Variants in KDM4D observed in about 807,000 individuals in gnomAD.
KDM4D encodes the protein lysine demethylase 4D, also known as lysine-specific demethylase 4D.
For missense variants in KDM4D, 427 were observed against 674.8 expected, an observed-to-expected ratio of 0.63 and a Z score of 4.07; for synonymous variants, 254 against 249.1, an observed-to-expected ratio of 1.02 and a Z score of -0.19.
chr11:94,974,390 A>C (rs924148193), intron 1 of KDM4D, among the ~76,000 whole-genome samples: 1 of 152,232 alleles, frequency 6.6e-6, no homozygotes, highest in African/African-American at 2.4e-5. Context: ...GTATCTCATC[A>C]CATAGACCTT....
At chr11:94,992,335 T>TA (rs1857941856) in intron 2 of KDM4D, among the ~76,000 whole-genome samples, 1 of 151,962 alleles carries the variant, frequency 6.6e-6, no homozygotes, top group South Asian at 2.1e-4. Context: ...AATTAATATG[T>TA]AAAATGTTTA....
In KDM4D at chr11:94,993,836, T is replaced by C. The variant is rs190256171; in HGVS notation, c.-349-3188T>C. Among the ~76,000 whole-genome samples, 30 of 152,242 alleles carry C rather than the reference T, an allele frequency of 2.0e-4. No homozygotes were observed. The East Asian group carries it at 4.8e-3, about 24-fold the overall frequency. ...ATCCTTCTAAATTGTCTCACTTTTC[T>C]CTTTTCTTTTCTTTAGAGCAAGTTT... On this transcript the variant is annotated intron_variant, in intron 2 of 2. Transcript: ENST00000335080.
In KDM4D at chr11:94,998,042, G is replaced by T. The variant is rs782677713; in HGVS notation, c.670G>T (p.Glu224Ter). The part of the protein sequence containing the change: ...VVPPEHGQRL[E>*]RLARELFPGS... ...GCCCCCAGAACATGGCCAGCGCCTG[G>T]AACGCCTGGCCAGGGAGCTCTTCCC... The change falls in exon 3 of 3, where the codon GAA becomes TAA. Residue 224 changes from glutamate (E) to a stop codon, truncating the protein, a stop_gained. Coordinates refer to ENST00000335080, the MANE Select transcript of KDM4D (RefSeq NM_018039.3). LOFTEE classifies it low-confidence loss of function (END_TRUNC). This position sits in a 1 kb window ranked among gnomAD's most constrained non-coding sequence, Gnocchi z 6.7. 6.2e-7 allele frequency: 1 copy of T among 1,614,210 alleles called. No individual in the cohort carries two copies.
intron 2 of KDM4D, among the ~76,000 whole-genome samples, chr11:94,982,017 T>C (rs1292748132): frequency 6.6e-6 from 1 of 151,618 alleles, no homozygotes; most frequent in African/African-American, 2.4e-5. Context: ...ATTTGAAATG[T>C]AGTATTTTCA....
At chr11:94,982,021 A>T (rs1857846445) in intron 2 of KDM4D, among the ~76,000 whole-genome samples, 1 of 151,450 alleles carries the variant, frequency 6.6e-6, no homozygotes, top group East Asian at 1.9e-4. Context: ...GAAATGTAGT[A>T]TTTTCATTTA....
chr11:94,994,951 T>C (rs587720284), intron 2 of KDM4D, among the ~76,000 whole-genome samples: 4 of 151,970 alleles, frequency 2.6e-5, no homozygotes, highest in Admixed American at 2.6e-4. Context: ...ATTTAAGGAG[T>C]TCAAATGGAG....
At chr11:94,988,127 A>G (rs1555098294) in intron 2 of KDM4D, among the ~76,000 whole-genome samples, 2 of 152,242 alleles carry the variant, frequency 1.3e-5, no homozygotes, top group African/African-American at 4.8e-5. Context: ...ATGAAATCTT[A>G]GAAAACAAGG....
intron 2 of KDM4D, among the ~76,000 whole-genome samples, chr11:94,986,717 C>G (rs1394805281): frequency 6.6e-6 from 1 of 152,208 alleles, no homozygotes; most frequent in East Asian, 1.9e-4. Context: ...TCATATATTG[C>G]TGGTTATAAA....
chr11:94,982,513 A>G (rs1237628939), intron 2 of KDM4D, among the ~76,000 whole-genome samples: 4 of 150,712 alleles, frequency 2.7e-5, no homozygotes, highest in African/African-American at 9.7e-5. Flanking sequence ...GCTAGAGATC[A>G]TATCTAGTTA....
At chr11:94,989,008 A>G (rs587699452) in intron 2 of KDM4D, among the ~76,000 whole-genome samples, 6 of 152,336 alleles carry the variant, frequency 3.9e-5, no homozygotes, top group Non-Finnish European at 7.4e-5. Flanking sequence ...TTTCTGAGAA[A>G]AGAAATCTGA....
rs782469646 is a variant in KDM4D, at chr11:94,998,631, C to T, written c.1259C>T (p.Ala420Val). The change falls in exon 3 of 3, where the codon GCT (alanine) becomes GTT (valine). Residue 420 changes from alanine (A) to valine (V), a missense_variant. Transcript: ENST00000335080. This position sits in a 1 kb window ranked among gnomAD's most constrained non-coding sequence, Gnocchi z 6.7. ...AVSGTATQPR[A>V]AAVHSSKKPS... is the part of the protein sequence containing the mutation. ...AGTGGCACTGCTACGCAGCCCCGGG[C>T]TGCTGCTGTCCACAGCTCTAAGAAG... 3.7e-6 allele frequency: 6 copies of T among 1,614,070 alleles called. No homozygotes were observed. Among genetic ancestry groups the T allele is most frequent in the Non-Finnish European group, 5.1e-6 (6 of 1,180,010 alleles).
intron 2 of KDM4D, among the ~76,000 whole-genome samples, chr11:94,983,419 A>T (rs1200745976): frequency 6.6e-6 from 1 of 152,150 alleles, no homozygotes; most frequent in Non-Finnish European, 1.5e-5. Context: ...TAAATAGTAC[A>T]CAAAGGCACA....
chr11:94,981,406 T>C (rs1423231373), intron 2 of KDM4D, among the ~76,000 whole-genome samples: 1 of 152,010 alleles, frequency 6.6e-6, no homozygotes, highest in Non-Finnish European at 1.5e-5. Flanking sequence ...TCTGAGAAAA[T>C]TTATCTAAGA....
At position 94,997,252 on chromosome 11, in the gene KDM4D, A is replaced by G. The variant is rs1210489648; in HGVS notation, c.-121A>G. On this transcript the variant is annotated 5_prime_UTR_variant, in exon 3 of 3. Transcript: ENST00000335080. ...TCATCTCATTTGCAAAAAAAAAAGTACGCTGGTAGATCCTGCTACCTCATA... is the reference window on the plus strand; with the variant it reads ...TCATCTCATTTGCAAAAAAAAAAGTGCGCTGGTAGATCCTGCTACCTCATA... The G allele has an allele frequency of 6.2e-6, 4 of 649,282 alleles. No individual in the cohort carries two copies. Among genetic ancestry groups the G allele is most frequent in the Non-Finnish European group, 9.9e-6 (4 of 405,716 alleles). 40.2% of individuals were successfully genotyped at this position (649,282 alleles called of 1,614,324 possible).
chr11:94,991,353 C>A lies in KDM4D; in HGVS notation c.-349-5671C>A, dbSNP rs188223400. 6.1e-4 allele frequency among the ~76,000 whole-genome samples: 91 copies of A among 149,618 alleles called. 1 individual carries two copies. Among genetic ancestry groups the A allele is most frequent in the African/African-American group, 1.8e-3 (75 of 40,718 alleles). On this transcript the variant is annotated intron_variant, in intron 2 of 2. Transcript: ENST00000335080. The stretch of plus-strand genomic sequence containing the variant: ...GGAAAGCCTTAAATATGAAAGAGAC[C>A]AAAGCAAAAAAAAGAAAGAAAGATA...
chr11:94,986,857 T>C (rs12792759), intron 2 of KDM4D, among the ~76,000 whole-genome samples: 2 of 152,212 alleles, frequency 1.3e-5, no homozygotes, highest in African/African-American at 4.8e-5. Flanking sequence ...CACATAAACT[T>C]GTACATGAAT....
chr11:94,974,617 C>T (rs1184423611), intron 1 of KDM4D, among the ~76,000 whole-genome samples: 1 of 152,176 alleles, frequency 6.6e-6, no homozygotes, highest in African/African-American at 2.4e-5. Flanking sequence ...CCGAAGGTAT[C>T]CCTCCTCCAG....
chr11:94,987,731 T>C (rs1211693601), intron 2 of KDM4D, among the ~76,000 whole-genome samples: 5 of 151,712 alleles, frequency 3.3e-5, no homozygotes, highest in Non-Finnish European at 7.4e-5. Context: ...AGAGAGCAAA[T>C]AAAACTTAAA....
intron 2 of KDM4D, among the ~76,000 whole-genome samples, chr11:94,988,645 G>A (rs1233830508): frequency 6.6e-6 from 1 of 152,180 alleles, no homozygotes; most frequent in Non-Finnish European, 1.5e-5. Flanking sequence ...TGGTGTCTTT[G>A]ACCAGAGGAT....
Sources: allele counts gnomAD v4.1 joint callset (sites outside exome capture counted in the v4.1 genomes callset), GRCh38; gene constraint gnomAD v4.1.1; non-coding constraint Gnocchi (gnomAD v3.1); transcripts MANE v1.5; gene names NCBI Gene and HGNC (gene_info 2026-07-23, HGNC 2026-07-21).